Variants in ARB2A observed in about 807,000 individuals in gnomAD.
ARB2A encodes cotranscriptional regulator ARB2A.
chr5:94,053,072 T>TATAGATAGATAGATAG, the ARB2A span: 130 of 638,512 alleles, frequency 2.0e-4, no homozygotes, highest in Middle Eastern at 3.0e-4. Flanking sequence ...TTGCATATAC[T>TATAGATAGATAGATAG]ATAGATAGAT....
At chr5:94,109,156 A>G in the ARB2A span, among the ~76,000 whole-genome samples, 2 of 152,234 alleles carry the variant, frequency 1.3e-5, no homozygotes, top group Admixed American at 1.3e-4. Flanking sequence ...GAGACATTAT[A>G]CTAAGTGAAA....
the ARB2A span, among the ~76,000 whole-genome samples, chr5:93,914,731 G>A: frequency 6.6e-6 from 1 of 151,798 alleles, no homozygotes; most frequent in African/African-American, 2.4e-5. Context: ...ATCTAGATCT[G>A]TATAAAAACT....
the ARB2A span, among the ~76,000 whole-genome samples, chr5:93,672,804 C>A: frequency 3.2e-4 from 49 of 152,104 alleles, 1 homozygote; most frequent in Admixed American, 1.4e-3. Context: ...ATGATTTTGG[C>A]ATTAGCTATT....
the ARB2A span, among the ~76,000 whole-genome samples, chr5:94,017,897 T>A: frequency 6.6e-6 from 1 of 152,050 alleles, no homozygotes; most frequent in Admixed American, 6.6e-5. Flanking sequence ...CAGGGGGAGG[T>A]AACTGAATCA....
the ARB2A span, among the ~76,000 whole-genome samples, chr5:93,864,973 G>A: frequency 6.6e-6 from 1 of 152,142 alleles, no homozygotes; most frequent in Non-Finnish European, 1.5e-5. Flanking sequence ...TTTATAAATA[G>A]TACTCAGCTA....
At chr5:94,084,160 G>C in the ARB2A span, among the ~76,000 whole-genome samples, 1 of 151,142 alleles carries the variant, frequency 6.6e-6, no homozygotes, top group South Asian at 2.1e-4. Flanking sequence ...TGTAATCCCA[G>C]CTACTTGGCA....
At chr5:93,925,814 C>T in the ARB2A span, among the ~76,000 whole-genome samples, 3 of 152,114 alleles carry the variant, frequency 2.0e-5, no homozygotes, top group African/African-American at 7.2e-5. Context: ...AGAAAAAAAT[C>T]TCAAATCAAG....
chr5:93,867,638 G>C, the ARB2A span, among the ~76,000 whole-genome samples: 2 of 151,988 alleles, frequency 1.3e-5, no homozygotes, highest in African/African-American at 4.8e-5. Context: ...GGATGGACTC[G>C]ATCTCTTGAC....
At chr5:93,924,735 C>T in the ARB2A span, among the ~76,000 whole-genome samples, 1 of 152,138 alleles carries the variant, frequency 6.6e-6, no homozygotes, top group Non-Finnish European at 1.5e-5. Context: ...TGTTCAGTAA[C>T]TACCCGGAGG....
the ARB2A span, among the ~76,000 whole-genome samples, chr5:93,696,826 C>T: frequency 7.2e-5 from 11 of 151,984 alleles, no homozygotes; most frequent in African/African-American, 2.2e-4. Context: ...CTTCGGGAGG[C>T]GGAGGTGGGT....
At chr5:93,823,019 G>C in the ARB2A span, among the ~76,000 whole-genome samples, 1 of 152,156 alleles carries the variant, frequency 6.6e-6, no homozygotes, top group Non-Finnish European at 1.5e-5. Context: ...TTCCATGTCA[G>C]AGAAAAACAT....
chr5:93,660,752 A>T, the ARB2A span, among the ~76,000 whole-genome samples: 1 of 152,146 alleles, frequency 6.6e-6, no homozygotes, highest in African/African-American at 2.4e-5. Context: ...GGGATTACAG[A>T]CAGGGGTACC....
the ARB2A span, among the ~76,000 whole-genome samples, chr5:93,837,443 T>C: frequency 6.6e-6 from 1 of 152,196 alleles, no homozygotes; most frequent in Non-Finnish European, 1.5e-5. Flanking sequence ...TACATGTGTC[T>C]TTATAGTAGA....
the ARB2A span, among the ~76,000 whole-genome samples, chr5:93,760,147 T>C: frequency 6.6e-6 from 1 of 152,008 alleles, no homozygotes; most frequent in East Asian, 1.9e-4. Flanking sequence ...CCTTTTAAAA[T>C]AGCTGCAAAA....
chr5:94,041,227 G>A, the ARB2A span, among the ~76,000 whole-genome samples: 1 of 151,648 alleles, frequency 6.6e-6, no homozygotes, highest in Non-Finnish European at 1.5e-5. Flanking sequence ...AATCTAGTGT[G>A]CTTTGTGTGT....
chr5:93,717,590 C>A, the ARB2A span, among the ~76,000 whole-genome samples: 1 of 151,978 alleles, frequency 6.6e-6, no homozygotes, highest in African/African-American at 2.4e-5. Flanking sequence ...AATTTCTCTT[C>A]ATTCTAATAA....
chr5:94,070,749 C>CA, the ARB2A span, among the ~76,000 whole-genome samples: 1 of 151,096 alleles, frequency 6.6e-6, no homozygotes, highest in Non-Finnish European at 1.5e-5. Flanking sequence ...AGAACACAAA[C>CA]AAAAAAAGGG....
the ARB2A span, chr5:93,683,104 T>C: frequency 1.3e-6 from 2 of 1,557,538 alleles, no homozygotes; most frequent in Admixed American, 1.7e-5. Flanking sequence ...GATTTGACTT[T>C]TGTGCATTTT....
the ARB2A span, among the ~76,000 whole-genome samples, chr5:93,907,156 G>A: frequency 1.3e-5 from 2 of 151,318 alleles, no homozygotes; most frequent in Non-Finnish European, 3.0e-5. Flanking sequence ...CAGCCAAAGA[G>A]TCAGAGTAAT....
Sources: gnomAD v4.1 joint callset for allele counts (sites outside exome capture counted in the v4.1 genomes callset) on GRCh38, gnomAD v4.1.1 for gene constraint, MANE v1.5 for transcripts, NCBI Gene and HGNC (gene_info 2026-07-23, HGNC 2026-07-21) for gene names.